B3GLCT: variants seen among roughly 807,000 people sequenced by gnomAD.
The protein encoded by B3GLCT is beta 3-glucosyltransferase.
Under a neutral mutation model 63.4 loss-of-function variants are expected in B3GLCT, and 65 were observed. That is an observed-to-expected ratio of 1.03 (90% CI 0.84 to 1.26). B3GLCT has a LOEUF of 1.26. B3GLCT is among the 50% of genes most tolerant of loss of function. B3GLCT has a pLI of 0.00. For synonymous variants in B3GLCT, 233 were observed against 219.2 expected (o/e 1.06, Z -0.55); for missense variants, 577 against 604.8 (o/e 0.95, Z 0.48).
chr13:31,235,125 G>A (rs577405264), intron 4 of B3GLCT, among the ~76,000 whole-genome samples: 2 of 152,156 alleles, frequency 1.3e-5, no homozygotes, highest in African/African-American at 4.8e-5. Context: ...CAGAATGGTG[G>A]GAGATGGACC....
intron 7 of B3GLCT, among the ~76,000 whole-genome samples, chr13:31,268,555 A>G (rs1339157629): frequency 6.6e-6 from 1 of 152,170 alleles, no homozygotes; most frequent in South Asian, 2.1e-4. Flanking sequence ...TGGTGTTTAC[A>G]AGTTTGCTCA....
At chr13:31,329,317 A>G (rs1359451400) in intron 14 of B3GLCT, among the ~76,000 whole-genome samples, 184 bp from the exon 15 acceptor site, 3 of 152,248 alleles carry the variant, frequency 2.0e-5, no homozygotes, top group Non-Finnish European at 4.4e-5. Context: ...AATTGGAGAC[A>G]CAAAAGCAAA....
At chr13:31,218,779 CA>C (rs1416148767) in intron 2 of B3GLCT, among the ~76,000 whole-genome samples, 2 of 152,076 alleles carry the variant, frequency 1.3e-5, no homozygotes, top group African/African-American at 4.8e-5. Flanking sequence ...TTCCTGTTTT[CA>C]AGGGGAAAGC....
chr13:31,205,217 A>G lies in B3GLCT; in HGVS notation c.70+5063A>G, dbSNP rs568458268. Among the ~76,000 whole-genome samples the G allele has an allele frequency of 7.4e-5, 11 of 149,308 alleles. No individual in the cohort carries two copies. In the East Asian group the frequency reaches 2.2e-3, roughly 29 times the overall value. On this transcript the variant is annotated intron_variant, in intron 1 of 14. Transcript: ENST00000343307. ...AGGTATTTTGGGGGGTCATTATATT[A>G]GGTGGCAATTTGAGTAGGTTTTTTT... is the stretch of plus-strand genomic sequence containing the variant.
At chr13:31,289,866 G>GT (rs575565433) in intron 12 of B3GLCT, among the ~76,000 whole-genome samples, 590 of 145,302 alleles carry the variant, frequency 4.1e-3, no homozygotes, top group African/African-American at 0.011. Context: ...AACATTGGTA[G>GT]TTTTTTTTTT....
At position 31,284,667 on chromosome 13, in the gene B3GLCT, T is replaced by A; in HGVS notation, c.870T>A (p.Thr290=). The A allele has an allele frequency of 2.5e-6, 4 of 1,607,208 alleles. No individual in the cohort carries two copies. Among genetic ancestry groups the A allele is most frequent in the Non-Finnish European group, 3.4e-6 (4 of 1,173,726 alleles). The change falls in exon 11 of 15, where the codon ACT becomes ACA. Residue 290 remains threonine, a synonymous_variant. Transcript: ENST00000343307. Reference sequence around the variant, plus strand: ...TTTCAGTACCTATTGTTAAGCAGACTTGGGAGAGCCAGGCAAGTCTCATTG... The same window carrying A: ...TTTCAGTACCTATTGTTAAGCAGACATGGGAGAGCCAGGCAAGTCTCATTG... The part of the protein sequence containing the change: ...HGDRIPIVKQ[T]WESQASLIEY...
intron 1 of B3GLCT, among the ~76,000 whole-genome samples, chr13:31,213,542 G>C (rs2137743050): frequency 6.6e-6 from 1 of 150,960 alleles, no homozygotes; most frequent in South Asian, 2.1e-4. Flanking sequence ...AGCTGAGATT[G>C]TGCCATTGCA....
intron 6 of B3GLCT, among the ~76,000 whole-genome samples, chr13:31,253,618 A>AAAAACAAACAAAC (rs1555249042): frequency 1.2e-5 from 1 of 82,266 alleles, no homozygotes; most frequent in Non-Finnish European, 2.3e-5. Context: ...AAAAAAAAAA[A>AAAAACAAACAAAC]AAACTAGAGA....
In B3GLCT at chr13:31,293,971, T is replaced by C. The variant is rs1873808975; in HGVS notation, c.1064+7152T>C. Among the ~76,000 whole-genome samples, 3 of 152,248 alleles carry C rather than the reference T, an allele frequency of 2.0e-5. No individual in the cohort carries two copies. In the South Asian group the frequency reaches 6.2e-4, roughly 31 times the overall value. ...GCTTTTTCCTTTCCATATTTAGTGCTTCCTTCAGGAGCTCTTGTAAGGAAG... is the reference window on the plus strand; with the variant it reads ...GCTTTTTCCTTTCCATATTTAGTGCCTCCTTCAGGAGCTCTTGTAAGGAAG... On this transcript the variant is annotated intron_variant, in intron 12 of 14. Transcript: ENST00000343307.
At chr13:31,227,701 G>T (rs938851422) in intron 3 of B3GLCT, among the ~76,000 whole-genome samples, 2 of 152,178 alleles carry the variant, frequency 1.3e-5, no homozygotes, top group Admixed American at 6.5e-5. Flanking sequence ...GCTATCTGTT[G>T]TGTGAATATT....
intron 7 of B3GLCT, among the ~76,000 whole-genome samples, chr13:31,264,833 A>T (rs944333601): frequency 2.6e-5 from 4 of 152,208 alleles, no homozygotes; most frequent in African/African-American, 7.2e-5. Context: ...ATCAATTAGC[A>T]TGCTTTTGGA....
At chr13:31,232,697 G>T (rs1418786851) in intron 4 of B3GLCT, among the ~76,000 whole-genome samples, 1 of 152,188 alleles carries the variant, frequency 6.6e-6, no homozygotes, top group Non-Finnish European at 1.5e-5. Context: ...TCCCCATAAA[G>T]GTTTTCCGTG....
At chr13:31,222,753 CATG>C (rs1869878342) in intron 2 of B3GLCT, among the ~76,000 whole-genome samples, 196 bp from the exon 3 acceptor site, 1 of 152,238 alleles carries the variant, frequency 6.6e-6, no homozygotes, top group African/African-American at 2.4e-5. Context: ...AGAAGTCTGT[CATG>C]ATACAGAAGT....
In B3GLCT at chr13:31,253,485, C is replaced by T. The variant is rs578133263; in HGVS notation, c.459+5519C>T. 2.0e-3 allele frequency among the ~76,000 whole-genome samples: 303 copies of T among 149,712 alleles called. 1 individual carries two copies. Among genetic ancestry groups the T allele is most frequent in the South Asian group, 0.01 (47 of 4,658 alleles). On this transcript the variant is annotated intron_variant, in intron 6 of 14. Coordinates refer to ENST00000343307, the MANE Select transcript of B3GLCT (RefSeq NM_194318.4). The stretch of plus-strand genomic sequence containing the variant: ...GCGGGTGCCTGTAGTCCCAGCTACT[C>T]GGGAGGCTGAGGCAGGAGAATGGCG...
intron 10 of B3GLCT, among the ~76,000 whole-genome samples, chr13:31,282,519 G>A (rs1170408288): frequency 6.6e-6 from 1 of 152,066 alleles, no homozygotes; most frequent in African/African-American, 2.4e-5. Flanking sequence ...GCGGGCGCCT[G>A]TAGTCCCAGC....
intron 7 of B3GLCT, among the ~76,000 whole-genome samples, chr13:31,267,783 A>T: frequency 6.6e-6 from 1 of 152,164 alleles, no homozygotes; most frequent in Non-Finnish European, 1.5e-5. Context: ...AGATGTAATT[A>T]AAAACAGTAG....
chr13:31,268,958 C>A (rs1052965326), intron 7 of B3GLCT, among the ~76,000 whole-genome samples: 25 of 152,056 alleles, frequency 1.6e-4, no homozygotes, highest in Admixed American at 1.5e-3. Flanking sequence ...TTCCCCAAGG[C>A]ATTGTATTGT....
At chr13:31,310,023 C>T (rs1022994969) in intron 12 of B3GLCT, among the ~76,000 whole-genome samples, 18 of 152,138 alleles carry the variant, frequency 1.2e-4, no homozygotes, top group Admixed American at 2.0e-4. Flanking sequence ...TAGGCAGAAA[C>T]GGCCAGGTCC....
intron 13 of B3GLCT, among the ~76,000 whole-genome samples, chr13:31,319,364 G>C (rs9544560): frequency 0.24 from 32,916 of 136,390 alleles, 3,567 homozygotes; most frequent in South Asian, 0.25. Flanking sequence ...CATTTTCTCA[G>C]CTCCATGCTC....
Sources: allele counts gnomAD v4.1 joint callset (sites outside exome capture counted in the v4.1 genomes callset), GRCh38; gene constraint gnomAD v4.1.1; transcripts MANE v1.5; gene names NCBI Gene and HGNC (gene_info 2026-07-23, HGNC 2026-07-21).